Variants in TBCD observed in about 807,000 individuals in gnomAD.
TBCD encodes the protein tubulin folding cofactor D, also known as tubulin-specific chaperone D.
TBCD carries 105 observed loss-of-function variants against 169.3 expected under a neutral mutation model. That is an observed-to-expected ratio of 0.62 (90% CI 0.53 to 0.73). The LOEUF (loss-of-function observed/expected upper bound fraction) is 0.73, where lower values mean the gene tolerates loss of function less well. TBCD is among the 30% of genes least tolerant of loss of function. The pLI, the probability that TBCD is intolerant of heterozygous loss-of-function variation, is 0.00. For missense variants in TBCD, 1,444 were observed against 1,600.1 expected (o/e 0.90, Z 1.66); for synonymous variants, 700 against 643.9 (o/e 1.09, Z -1.32).
At chr17:82,810,808 G>T (rs2051380063) in intron 12 of TBCD, among the ~76,000 whole-genome samples, 1 of 152,206 alleles carries the variant, frequency 6.6e-6, no homozygotes. Flanking sequence ...CACTTTGGAG[G>T]CTCCAGTTCG....
At chr17:82,875,532 G>A (rs1567937508) in intron 14 of TBCD, among the ~76,000 whole-genome samples, 1 of 152,212 alleles carries the variant, frequency 6.6e-6, no homozygotes, top group South Asian at 2.1e-4. Flanking sequence ...AGGCAGCCAC[G>A]GGGCCCTCCC....
rs751710020 is a variant in TBCD, at chr17:82,926,465, G to C, written c.2445G>C (p.Arg815Ser). The part of the protein sequence containing the change: ...SPEDVSFAES[R>S]RDGLKAIARI... Reference sequence around the variant, plus strand: ...AGGACGTAAGTTTTGCTGAGTCCAGGAGAGACGGCTTGAAGGCCATTGCGA... The same window carrying C: ...AGGACGTAAGTTTTGCTGAGTCCAGCAGAGACGGCTTGAAGGCCATTGCGA... Residue 815 changes from arginine (R) to serine (S), a missense_variant, in exon 28 of 39, where the codon AGG (arginine) becomes AGC (serine). By Grantham distance (110) the Arg-to-Ser change is moderately radical. Transcript: ENST00000355528. The C allele has an allele frequency of 3.7e-6, 6 of 1,613,878 alleles. No individual in the cohort carries two copies. Among genetic ancestry groups the C allele is most frequent in the Non-Finnish European group, 2.5e-6 (3 of 1,179,896 alleles).
rs760846090 is a variant in TBCD, at chr17:82,929,453, G to A, written c.2944G>A (p.Val982Ile). The change falls in exon 32 of 39, where the codon GTC (valine) becomes ATC (isoleucine). Residue 982 changes from valine (V) to isoleucine (I), a missense_variant. Val to Ile is a conservative substitution (Grantham distance 29). Coordinates refer to ENST00000355528, the MANE Select transcript of TBCD (RefSeq NM_005993.5). ...TGGGCTGCCCACCTACCGCTACCAC[G>A]TCCTGCTGGGGCTAGTCGTGTCCCT... is the stretch of plus-strand genomic sequence containing the variant. The part of the protein sequence containing the change: ...LLGLPTYRYH[V>I]LLGLVVSLGG... 1.9e-5 allele frequency: 30 copies of A among 1,611,176 alleles called. No homozygotes were observed. Among genetic ancestry groups the A allele is most frequent in the Middle Eastern group, 1.6e-4 (1 of 6,084 alleles).
chr17:82,821,037 C>T (rs1212574583), intron 13 of TBCD, among the ~76,000 whole-genome samples: 1 of 152,200 alleles, frequency 6.6e-6, no homozygotes, highest in Non-Finnish European at 1.5e-5. Context: ...CTTACTGCAG[C>T]CTCAACCTCC....
intron 4 of TBCD, among the ~76,000 whole-genome samples, chr17:82,767,311 G>A (rs1242329116): frequency 6.6e-6 from 1 of 152,176 alleles, no homozygotes; most frequent in African/African-American, 2.4e-5. Context: ...CCTGCACTCC[G>A]TGCCCTTCTT....
At chr17:82,768,340 G>A (rs1598410175) in intron 4 of TBCD, 80 bp from the exon 5 acceptor site, 2 of 1,545,446 alleles carry the variant, frequency 1.3e-6, no homozygotes, top group East Asian at 2.3e-5. Context: ...GGCATGGAGG[G>A]CAGTGACTTT....
intron 12 of TBCD, among the ~76,000 whole-genome samples, chr17:82,812,634 T>C (rs1663793553): frequency 6.6e-6 from 1 of 152,192 alleles, no homozygotes; most frequent in South Asian, 2.1e-4. Context: ...GATCTCCGCC[T>C]CCTGGGTTCA....
intron 13 of TBCD, among the ~76,000 whole-genome samples, chr17:82,834,774 C>T (rs1464644392): frequency 1.3e-5 from 2 of 152,098 alleles, no homozygotes; most frequent in Non-Finnish European, 2.9e-5. Context: ...GCATGCAGGG[C>T]TTAAAACCTA....
At chr17:82,783,347 G>A (rs958058613) in intron 7 of TBCD, among the ~76,000 whole-genome samples, 1 of 152,238 alleles carries the variant, frequency 6.6e-6, no homozygotes, top group African/African-American at 2.4e-5. Flanking sequence ...AAATGTGACA[G>A]ATTCAGCAGT....
rs71168175 is a variant in TBCD, at chr17:82,940,221, G to GCACACACACACA, written c.3479+759_3479+770dup. On this transcript the variant is annotated intron_variant, in intron 37 of 38. Coordinates refer to ENST00000355528, the MANE Select transcript of TBCD (RefSeq NM_005993.5). ...CACACACATGCTCACTTGCACGCGC[G>GCACACACACACA]CACACACACACACACACACACACAC... 5.1e-3 allele frequency among the ~76,000 whole-genome samples: 673 copies of GCACACACACACA among 131,790 alleles called. 6 individuals carry two copies. Among genetic ancestry groups the GCACACACACACA allele is most frequent in the South Asian group, 0.012 (50 of 4,142 alleles). 86.5% of individuals were successfully genotyped at this position (131,790 alleles called of 152,430 possible).
Position 82,797,769 on chromosome 17 carries a change from A to C in TBCD, c.784A>C (p.Lys262Gln). 6.4e-7 allele frequency: 1 copy of C among 1,563,992 alleles called. No individual in the cohort carries two copies. The highest frequency in any genetic ancestry group is 8.6e-7 in the Non-Finnish European group (1 of 1,160,724). The part of the protein sequence containing the change: ...GTLQALAQIF[K>Q]HGKREDCLPY... ...TTTTTTTTTTTAGGCACAAATATTT[A>C]AACATGGAAAACGTGAAGACTGTTT... is the stretch of plus-strand genomic sequence containing the variant. The change falls in exon 8 of 39, where the codon AAA becomes CAA. Residue 262 changes from lysine (K) to glutamine (Q), a missense_variant. Lys to Gln is a moderately conservative substitution (Grantham distance 53). Transcript: ENST00000355528.
chr17:82,814,070 C>T (rs576977157), intron 12 of TBCD, among the ~76,000 whole-genome samples: 6 of 152,254 alleles, frequency 3.9e-5, no homozygotes, highest in East Asian at 1.9e-4. Flanking sequence ...GAAATTAGTA[C>T]GTATAAAATA....
chr17:82,769,052 T>G (rs2048170700), intron 5 of TBCD, among the ~76,000 whole-genome samples: 1 of 152,252 alleles, frequency 6.6e-6, no homozygotes, highest in Admixed American at 6.5e-5. Flanking sequence ...ATTAGTTATC[T>G]ATTGGATCAT....
intron 5 of TBCD, among the ~76,000 whole-genome samples, chr17:82,771,931 A>C (rs1324903096): frequency 6.6e-6 from 1 of 151,980 alleles, no homozygotes; most frequent in Non-Finnish European, 1.5e-5. Flanking sequence ...CTCAAAAAAA[A>C]AAAACAAAAA....
chr17:82,872,614 G>A (rs2057659685), intron 14 of TBCD, among the ~76,000 whole-genome samples: 1 of 152,268 alleles, frequency 6.6e-6, no homozygotes, highest in African/African-American at 2.4e-5. Context: ...CTTCTAGGAA[G>A]TTGATCCTGT....
rs2061510923 is a variant in TBCD at position 82,923,038 on chromosome 17, C to T, written c.2179-614C>T. ...CTTGGGATGGGTTCCCGGGGGTCTCCTGCTGTCCGGCCCCAACTCCTGTTC... is the reference window on the plus strand; with the variant it reads ...CTTGGGATGGGTTCCCGGGGGTCTCTTGCTGTCCGGCCCCAACTCCTGTTC... On this transcript the variant is annotated intron_variant, in intron 25 of 38. Coordinates refer to ENST00000355528, the MANE Select transcript of TBCD (RefSeq NM_005993.5). The surrounding 1 kb of genome is among the most constrained non-coding windows in gnomAD (Gnocchi z 4.6). 6.6e-6 allele frequency among the ~76,000 whole-genome samples: 1 copy of T among 152,198 alleles called. No individual in the cohort carries two copies. Among genetic ancestry groups the T allele is most frequent in the African/African-American group, 2.4e-5 (1 of 41,444 alleles).
intron 13 of TBCD, among the ~76,000 whole-genome samples, chr17:82,827,707 A>C (rs2052992360): frequency 6.6e-6 from 1 of 152,036 alleles, no homozygotes; most frequent in Admixed American, 6.6e-5. Flanking sequence ...ACACCCACAC[A>C]ATCGAATGTG....
In TBCD at chr17:82,782,050, C is replaced by G. The variant is rs561529357; in HGVS notation, c.771+329C>G. Among the ~76,000 whole-genome samples the G allele has an allele frequency of 6.6e-6, 1 of 152,216 alleles. No individual in the cohort carries two copies. The highest frequency in any genetic ancestry group is 1.5e-5 in the Non-Finnish European group (1 of 68,048). On this transcript the variant is annotated intron_variant, in intron 7 of 38. Coordinates refer to ENST00000355528, the MANE Select transcript of TBCD (RefSeq NM_005993.5). The surrounding 1 kb of genome is among the most constrained non-coding windows in gnomAD (Gnocchi z 5.1). ...TTCCTGTTTAAGTGCAGAGACTGAA[C>G]GAGCTCTAATAAAACAAGGTGGGTG...
chr17:82,911,363 C>T (rs537252031), intron 22 of TBCD, among the ~76,000 whole-genome samples: 55 of 151,650 alleles, frequency 3.6e-4, no homozygotes, highest in South Asian at 3.3e-3. Flanking sequence ...CAGAGCAGCC[C>T]GGAGCTCCGC....
Sources: gnomAD v4.1 joint callset for allele counts (sites outside exome capture counted in the v4.1 genomes callset) on GRCh38, gnomAD v4.1.1 for gene constraint, Gnocchi (gnomAD v3.1) non-coding constraint, MANE v1.5 for transcripts, NCBI Gene and HGNC (gene_info 2026-07-23, HGNC 2026-07-21) for gene names.